CDK14: variants seen among roughly 807,000 people sequenced by gnomAD.
The protein encoded by CDK14 is cyclin-dependent kinase 14.
CDK14 carries 34 observed loss-of-function variants against 60.7 expected under a neutral mutation model. That is an observed-to-expected ratio of 0.56 (90% confidence interval 0.43 to 0.75). CDK14 has a LOEUF of 0.75. CDK14 is among the 30% of genes least tolerant of loss of function. The pLI is 0.00. For missense variants in CDK14, 482 were observed against 564.1 expected (o/e 0.85, Z 1.47); for synonymous variants, 197 against 203.7 (o/e 0.97, Z 0.28).
intron 10 of CDK14, among the ~76,000 whole-genome samples, chr7:91,025,380 T>TG (rs1196262961): frequency 6.6e-6 from 1 of 152,080 alleles, no homozygotes; most frequent in Non-Finnish European, 1.5e-5. Flanking sequence ...AAAGGCATCT[T>TG]GGGGAAACCT....
intron 11 of CDK14, among the ~76,000 whole-genome samples, chr7:91,070,288 TG>T (rs1470343253): frequency 6.6e-6 from 1 of 152,048 alleles, no homozygotes; most frequent in Non-Finnish European, 1.5e-5. Flanking sequence ...GTGGTGGTGG[TG>T]GTGGTAGTGA....
At position 91,158,321 on chromosome 7, in the gene CDK14, G is replaced by T. The variant is rs552237815; in HGVS notation, c.*28+40113G>T. 4.6e-5 allele frequency among the ~76,000 whole-genome samples: 7 copies of T among 151,840 alleles called. No individual in the cohort carries two copies. In the South Asian group the frequency reaches 1.2e-3, roughly 27 times the overall value. ...TCGACCTCCCGCGCTCAAGCATTCT[G>T]CCCACCTCAGCCTGCCGAGTAGCTA... On this transcript the variant is annotated intron_variant, in intron 14 of 14. Coordinates refer to ENST00000380050, the MANE Select transcript of CDK14 (RefSeq NM_001287135.2).
chr7:91,113,823 G>A (rs909700747), intron 13 of CDK14, among the ~76,000 whole-genome samples: 4 of 151,686 alleles, frequency 2.6e-5, no homozygotes, highest in African/African-American at 9.7e-5. Flanking sequence ...ATCTTTTTTT[G>A]ATATCCCACA....
chr7:90,836,178 A>G (rs372798722), intron 5 of CDK14, among the ~76,000 whole-genome samples: 6 of 152,184 alleles, frequency 3.9e-5, no homozygotes, highest in Admixed American at 6.5e-5. Context: ...TTTTTCTTCA[A>G]TAATAACCTT....
chr7:91,142,341 C>T (rs1800494365), intron 14 of CDK14, among the ~76,000 whole-genome samples: 1 of 152,178 alleles, frequency 6.6e-6, no homozygotes, highest in Non-Finnish European at 1.5e-5. Context: ...GCCACAGTCC[C>T]TGCCACTCCT....
At chr7:90,737,382 G>A (rs755214562) in intron 3 of CDK14, among the ~76,000 whole-genome samples, 1 of 152,182 alleles carries the variant, frequency 6.6e-6, no homozygotes, top group African/African-American at 2.4e-5. Flanking sequence ...TCCCATGATA[G>A]GCAGGCCTAA....
intron 7 of CDK14, among the ~76,000 whole-genome samples, chr7:90,903,333 A>G (rs1458568710): frequency 6.6e-6 from 1 of 152,210 alleles, no homozygotes; most frequent in Non-Finnish European, 1.5e-5. Context: ...CAACAAATTG[A>G]TAGATAAAGA....
intron 2 of CDK14, among the ~76,000 whole-genome samples, chr7:90,640,065 T>C (rs1215202690): frequency 6.6e-6 from 1 of 152,170 alleles, no homozygotes; most frequent in African/African-American, 2.4e-5. Flanking sequence ...TGACCCCTTG[T>C]GCTTCCCGAG....
chr7:91,178,936 G>C, intron 14 of CDK14, among the ~76,000 whole-genome samples: 1 of 152,106 alleles, frequency 6.6e-6, no homozygotes. Flanking sequence ...AATACCATTT[G>C]ACCCAGCCAT....
intron 10 of CDK14, among the ~76,000 whole-genome samples, chr7:91,025,830 A>G (rs1043722267): frequency 2.0e-5 from 3 of 152,346 alleles, no homozygotes; most frequent in Non-Finnish European, 4.4e-5. Flanking sequence ...TTCTAAAAGA[A>G]TGAGTCCCCA....
chr7:90,881,410 C>G (rs1017823509), intron 6 of CDK14, among the ~76,000 whole-genome samples: 1 of 151,476 alleles, frequency 6.6e-6, no homozygotes, highest in East Asian at 1.9e-4. Context: ...AAAAATGAAA[C>G]AAGCCTCTAA....
intron 8 of CDK14, among the ~76,000 whole-genome samples, chr7:90,954,611 C>A: frequency 1.4e-5 from 1 of 72,318 alleles, no homozygotes; most frequent in African/African-American, 4.5e-5. Flanking sequence ...TTCTGCCAAA[C>A]TTTTTTCTTT....
chr7:90,600,467 A>G (rs1288928513), intron 1 of CDK14, among the ~76,000 whole-genome samples: 1 of 152,182 alleles, frequency 6.6e-6, no homozygotes, highest in Non-Finnish European at 1.5e-5. Context: ...TAGAGAAAGG[A>G]AGTTTATACT....
intron 2 of CDK14, among the ~76,000 whole-genome samples, chr7:90,636,498 T>G (rs561265973): frequency 6.6e-6 from 1 of 152,028 alleles, no homozygotes; most frequent in South Asian, 2.1e-4. Flanking sequence ...TTGATCATGG[T>G]GGATAAGCTT....
chr7:91,086,518 T>G (rs1321338580), intron 12 of CDK14, among the ~76,000 whole-genome samples: 1 of 152,150 alleles, frequency 6.6e-6, no homozygotes, highest in Non-Finnish European at 1.5e-5. Flanking sequence ...CTCCTTGATC[T>G]CCCCTAACTC....
At chr7:90,901,687 T>TACACACAC (rs923919863) in intron 7 of CDK14, among the ~76,000 whole-genome samples, 1 of 148,954 alleles carries the variant, frequency 6.7e-6, no homozygotes, top group African/African-American at 2.4e-5. Context: ...TATATATATA[T>TACACACAC]ATACACACAC....
chr7:90,892,037 A>G (rs1208076429), intron 6 of CDK14, among the ~76,000 whole-genome samples: 3 of 152,220 alleles, frequency 2.0e-5, no homozygotes, highest in Non-Finnish European at 4.4e-5. Flanking sequence ...GAGGAAGCCT[A>G]TTAACAGTTC....
intron 10 of CDK14, among the ~76,000 whole-genome samples, chr7:91,027,788 TCCC>T (rs1457068567): frequency 2.9e-4 from 1 of 3,394 alleles, no homozygotes; most frequent in Non-Finnish European, 5.2e-4. Flanking sequence ...TCCCCTCCCC[TCCC>T]CTCCCCTCCC....
intron 14 of CDK14, among the ~76,000 whole-genome samples, chr7:91,126,832 CTT>C (rs1177977862): frequency 2.6e-5 from 4 of 151,940 alleles, no homozygotes; most frequent in African/African-American, 9.7e-5. Context: ...ACTCGCTTTT[CTT>C]TTTTTTATTT....
Sources: allele counts gnomAD v4.1 joint callset (sites outside exome capture counted in the v4.1 genomes callset), GRCh38; gene constraint gnomAD v4.1.1; transcripts MANE v1.5; gene names NCBI Gene and HGNC (gene_info 2026-07-23, HGNC 2026-07-21).